The following LSAMP variants were observed in gnomAD, a reference collection of about 807,000 sequenced individuals.
LSAMP encodes limbic system associated membrane protein, also known as limbic system-associated membrane protein.
A neutral mutation model predicts 38.6 loss-of-function variants in LSAMP; 7 were observed. The ratio of observed to expected loss-of-function variants is 0.18; its 90% CI spans 0.10 to 0.34. LSAMP has a LOEUF of 0.34. LSAMP is among the 10% of genes least tolerant of loss of function. The pLI is 1.00. For synonymous variants in LSAMP, 154 were observed against 166.8 expected, an observed-to-expected ratio of 0.92 and a Z score of 0.59; for missense variants, 313 against 420.0, an observed-to-expected ratio of 0.75 and a Z score of 2.23.
chr3:115,952,223 C>T (rs749690669), intron 3 of LSAMP, among the ~76,000 whole-genome samples: 1 of 152,124 alleles, frequency 6.6e-6, no homozygotes, highest in Non-Finnish European at 1.5e-5. Flanking sequence ...TGGGTATCTA[C>T]CCAGAGGAAA....
chr3:116,242,443 G>T lies in LSAMP; in HGVS notation c.156-155887C>A, dbSNP rs141410173. ...AAAGCTTTCTGGATACTCCAGCCAG[G>T]CCCAGTTGTCCTGAAGAAGTGGGAC... On this transcript the variant is annotated intron_variant, in intron 1 of 6. Transcript: ENST00000490035. 3.9e-4 allele frequency among the ~76,000 whole-genome samples: 59 copies of T among 152,304 alleles called. No homozygotes were observed. The East Asian group carries it at 9.7e-3, about 25-fold the overall frequency.
At position 116,422,207 on chromosome 3, in the gene LSAMP, A is replaced by G. The variant is rs190570728; in HGVS notation, c.155+22670T>C. ...TACTTCGTAGTGTATGATTCTATTT[A>G]TATGAAGTGTCCAGGAAAAGCAAAT... is the stretch of plus-strand genomic sequence containing the variant. On this transcript the variant is annotated intron_variant, in intron 1 of 6. Transcript: ENST00000490035. 8.5e-5 allele frequency among the ~76,000 whole-genome samples: 13 copies of G among 152,366 alleles called. No homozygotes were observed. The East Asian group carries it at 2.5e-3, about 29-fold the overall frequency.
At chr3:116,165,756 C>T (rs947981864) in intron 1 of LSAMP, among the ~76,000 whole-genome samples, 3 of 152,192 alleles carry the variant, frequency 2.0e-5, no homozygotes, top group Non-Finnish European at 4.4e-5. Flanking sequence ...TGTCACTCCC[C>T]TCTTGTTCTT....
intron 1 of LSAMP, among the ~76,000 whole-genome samples, chr3:116,365,756 C>T (rs1182635089): frequency 7.7e-5 from 8 of 104,128 alleles, no homozygotes; most frequent in Non-Finnish European, 1.1e-4. Context: ...AGTAAACTAT[C>T]GCAAGAACAA....
chr3:116,149,396 T>C (rs1429839214), intron 1 of LSAMP, among the ~76,000 whole-genome samples: 1 of 151,984 alleles, frequency 6.6e-6, no homozygotes, highest in Admixed American at 6.6e-5. Flanking sequence ...CCATTAAACC[T>C]GGCTTGCTCA....
intron 1 of LSAMP, among the ~76,000 whole-genome samples, chr3:116,390,132 T>TACAC (rs10661312): frequency 0.03 from 4,364 of 147,336 alleles, 141 homozygotes; most frequent in African/African-American, 0.09. Context: ...TATGTATGTA[T>TACAC]ACACACACAC....
At chr3:116,291,318 T>C (rs1469729411) in intron 1 of LSAMP, among the ~76,000 whole-genome samples, 1 of 152,184 alleles carries the variant, frequency 6.6e-6, no homozygotes, top group Non-Finnish European at 1.5e-5. Context: ...TTTGGCCATA[T>C]GGGCAGACGA....
chr3:116,148,465 C>T (rs1163493064), intron 1 of LSAMP, among the ~76,000 whole-genome samples: 1 of 151,880 alleles, frequency 6.6e-6, no homozygotes, highest in Non-Finnish European at 1.5e-5. Flanking sequence ...CATGTTGCTA[C>T]AACATAAAGG....
At chr3:115,839,254 CTTCTTTCT>C (rs1208943503) in intron 6 of LSAMP, among the ~76,000 whole-genome samples, 103 of 102,786 alleles carry the variant, frequency 1.0e-3, no homozygotes, top group African/African-American at 2.6e-3. Flanking sequence ...TCCTTCCTTC[CTTCTTTCT>C]TTCCTTCCTT....
At chr3:116,428,017 A>T (rs2107866990) in intron 1 of LSAMP, among the ~76,000 whole-genome samples, 1 of 152,242 alleles carries the variant, frequency 6.6e-6, no homozygotes, top group African/African-American at 2.4e-5. Context: ...CTACCATTTC[A>T]TTCCATATGT....
chr3:116,150,933 A>G (rs1368299900), intron 1 of LSAMP, among the ~76,000 whole-genome samples: 3 of 152,008 alleles, frequency 2.0e-5, no homozygotes, highest in Non-Finnish European at 2.9e-5. Flanking sequence ...AAAGTAAACT[A>G]TCTTTGGCTA....
chr3:116,124,165 G>C (rs112115422), intron 1 of LSAMP, among the ~76,000 whole-genome samples: 1 of 152,108 alleles, frequency 6.6e-6, no homozygotes, highest in Non-Finnish European at 1.5e-5. Context: ...AAGTACCTCA[G>C]CAACTTGTAT....
At chr3:116,226,480 T>C (rs2046343384) in intron 1 of LSAMP, among the ~76,000 whole-genome samples, 1 of 152,222 alleles carries the variant, frequency 6.6e-6, no homozygotes, top group Non-Finnish European at 1.5e-5. Context: ...CCAGAAGCTG[T>C]TCTCTGTCAG....
At chr3:116,326,026 G>A (rs1264101360) in intron 1 of LSAMP, among the ~76,000 whole-genome samples, 1 of 151,960 alleles carries the variant, frequency 6.6e-6, no homozygotes, top group Non-Finnish European at 1.5e-5. Flanking sequence ...AGGAGTGGGG[G>A]ATTTTATTCT....
At chr3:116,119,569 A>G (rs937170904) in intron 1 of LSAMP, among the ~76,000 whole-genome samples, 1 of 152,162 alleles carries the variant, frequency 6.6e-6, no homozygotes, top group Non-Finnish European at 1.5e-5. Context: ...CAGGGATATT[A>G]TAAATAGAGC....
intron 1 of LSAMP, among the ~76,000 whole-genome samples, chr3:116,131,599 G>A (rs753243258): frequency 4.6e-5 from 7 of 152,110 alleles, no homozygotes; most frequent in Non-Finnish European, 1.0e-4. Flanking sequence ...CAATAGAAAA[G>A]CAAGTAAAGC....
intron 1 of LSAMP, among the ~76,000 whole-genome samples, chr3:116,208,724 G>A (rs1324978529): frequency 8.3e-6 from 1 of 120,834 alleles, no homozygotes; most frequent in East Asian, 2.9e-4. Context: ...GGGGTCAGGG[G>A]TCAGGGACCC....
chr3:115,858,776 T>C (rs1935586134), intron 3 of LSAMP, among the ~76,000 whole-genome samples: 1 of 152,166 alleles, frequency 6.6e-6, no homozygotes, highest in African/African-American at 2.4e-5. Flanking sequence ...GTGAAGTAAG[T>C]AAGCAAGAAA....
chr3:116,255,032 T>C (rs1457325703), intron 1 of LSAMP, among the ~76,000 whole-genome samples: 1 of 152,162 alleles, frequency 6.6e-6, no homozygotes, highest in Admixed American at 6.5e-5. Flanking sequence ...TATATCTTTA[T>C]ACAGTATTTC....
Sources: gnomAD v4.1 joint callset for allele counts (sites outside exome capture counted in the v4.1 genomes callset) on GRCh38, gnomAD v4.1.1 for gene constraint, MANE v1.5 for transcripts, NCBI Gene and HGNC (gene_info 2026-07-23, HGNC 2026-07-21) for gene names.